CUL4A: variants seen among roughly 807,000 people sequenced by gnomAD.
CUL4A encodes the protein cullin 4A.
CUL4A carries 16 observed loss-of-function variants against 95.5 expected under a neutral mutation model. The ratio of observed to expected loss-of-function variants is 0.17; its 90% CI spans 0.11 to 0.25. The LOEUF is 0.25. CUL4A is among the 10% of genes least tolerant of loss of function. CUL4A has a pLI of 1.00. For missense variants in CUL4A, 610 were observed against 937.0 expected, an observed-to-expected ratio of 0.65 and a Z score of 4.56; for synonymous variants, 380 against 353.1, an observed-to-expected ratio of 1.08 and a Z score of -0.85.
chr13:113,222,207 T>C (rs2040924796), intron 3 of CUL4A, among the ~76,000 whole-genome samples: 1 of 151,974 alleles, frequency 6.6e-6, no homozygotes, highest in Non-Finnish European at 1.5e-5. Flanking sequence ...AACCAAGAGG[T>C]TGAGGTTTAT....
rs199835552 is a variant in CUL4A, at chr13:113,219,031, G to C, written c.351G>C (p.Gln117His). 16 of 1,608,478 alleles carry C rather than the reference G, an allele frequency of 9.9e-6. No homozygotes were observed. The highest frequency in any genetic ancestry group is 4.5e-5 in the South Asian group (4 of 89,746). ...RQACEDHVQA[Q>H]ILPFREDSLD... Reference sequence around the variant, plus strand: ...CCTGTGAAGACCACGTCCAGGCACAGATCCTTCCGTTTAGAGAATATCCTT... The same window carrying C: ...CCTGTGAAGACCACGTCCAGGCACACATCCTTCCGTTTAGAGAATATCCTT... Residue 117 changes from glutamine to histidine, a missense_variant, in exon 3 of 20, where the codon CAG becomes CAC. Physicochemically the swap from Gln to His is conservative, Grantham distance 24. Coordinates refer to ENST00000375440, the MANE Select transcript of CUL4A (RefSeq NM_001008895.4).
intron 2 of CUL4A, among the ~76,000 whole-genome samples, chr13:113,212,030 GTCAT>G (rs2040467507): frequency 1.3e-5 from 2 of 152,196 alleles, no homozygotes; most frequent in Admixed American, 1.3e-4. Context: ...GTGGTGGAGT[GTCAT>G]TGTAGTTTTA....
chr13:113,241,559 G>A (rs1403546620), intron 10 of CUL4A, among the ~76,000 whole-genome samples: 2 of 140,062 alleles, frequency 1.4e-5, no homozygotes, highest in African/African-American at 2.6e-5. Flanking sequence ...CTGTCATCCA[G>A]GCTGGAGTGT....
chr13:113,244,892 T>C, intron 12 of CUL4A, 57 bp from the exon 13 acceptor site: 4 of 1,163,214 alleles, frequency 3.4e-6, no homozygotes, highest in Non-Finnish European at 5.1e-6. Context: ...GTTTGAAGTT[T>C]AACATTTGCT....
At chr13:113,239,612 C>A in intron 10 of CUL4A, 61 bp downstream of exon 10, 1 of 1,268,200 alleles carries the variant, frequency 7.9e-7, no homozygotes, top group Non-Finnish European at 1.1e-6. Flanking sequence ...AGAGCCCCTC[C>A]TGAGAACGCC....
At chr13:113,222,870 A>T (rs1207157294) in intron 3 of CUL4A, among the ~76,000 whole-genome samples, 2 of 152,200 alleles carry the variant, frequency 1.3e-5, no homozygotes, top group African/African-American at 4.8e-5. Context: ...ACTGCACTCC[A>T]GCCTGAGCAG....
intron 15 of CUL4A, among the ~76,000 whole-genome samples, chr13:113,249,923 C>T (rs764840006): frequency 3.9e-5 from 6 of 152,154 alleles, no homozygotes; most frequent in Non-Finnish European, 8.8e-5. Context: ...CGTGCTTTGC[C>T]TAGTTTTTAA....
chr13:113,216,573 C>T (rs2040701160), intron 2 of CUL4A, among the ~76,000 whole-genome samples: 1 of 152,210 alleles, frequency 6.6e-6, no homozygotes, highest in South Asian at 2.1e-4. Context: ...GGATTACATT[C>T]CTTTTCTCTG....
chr13:113,246,163 A>C, intron 15 of CUL4A, 100 bp downstream of exon 15: 3 of 847,456 alleles, frequency 3.5e-6, no homozygotes, highest in Non-Finnish European at 5.6e-6. Flanking sequence ...GTTTTTAAAA[A>C]TAGCCCACTC....
At position 113,232,132 on chromosome 13, in the gene CUL4A, CTA is replaced by C. The variant is rs2041353133; in HGVS notation, c.513-1044_513-1043del. ...CCGCCCACCACCATTACTGTCACCA[CTA>C]CCCGCCCACCACCATTACTGCTGCC... On this transcript the variant is annotated intron_variant, in intron 5 of 19. Coordinates refer to ENST00000375440, the MANE Select transcript of CUL4A (RefSeq NM_001008895.4). Among the ~76,000 whole-genome samples, 3 of 146,278 alleles carry C rather than the reference CTA, an allele frequency of 2.1e-5. 1 individual carries two copies. The highest frequency in any genetic ancestry group is 8.2e-5 in the African/African-American group (3 of 36,446).
intron 15 of CUL4A, 146 bp downstream of exon 15, chr13:113,246,209 A>G: frequency 1.6e-6 from 1 of 634,224 alleles, no homozygotes; most frequent in South Asian, 2.0e-5. Flanking sequence ...GTCTTTGGAA[A>G]TGTGCTTGAG....
intron 6 of CUL4A, among the ~76,000 whole-genome samples, chr13:113,233,654 C>G (rs1370980299): frequency 6.6e-6 from 1 of 152,150 alleles, no homozygotes; most frequent in Non-Finnish European, 1.5e-5. Context: ...ATTAGCAACA[C>G]ACACAAAAGA....
chr13:113,233,909 T>G lies in CUL4A; in HGVS notation c.688T>G (p.Ser230Ala). ...GCTTGTTTCTTAGGTGTATAAAGAT[T>G]CATTTGAACTGAAATTTTTGGAAGA... The part of the protein sequence containing the change: ...MLSDLQVYKD[S>A]FELKFLEETN... Residue 230 changes from serine (S) to alanine (A), a missense_variant, in exon 7 of 20, where the codon TCA becomes GCA. Ser to Ala is a moderately conservative substitution (Grantham distance 99, BLOSUM62 1). Transcript: ENST00000375440. 2 of 1,589,554 alleles carry G rather than the reference T, an allele frequency of 1.3e-6. No individual in the cohort carries two copies. Among genetic ancestry groups the G allele is most frequent in the African/African-American group, 1.3e-5 (1 of 74,562 alleles).
chr13:113,250,391 G>A (rs1251467566), intron 15 of CUL4A, among the ~76,000 whole-genome samples: 1 of 152,206 alleles, frequency 6.6e-6, no homozygotes, highest in African/African-American at 2.4e-5. Context: ...GGTTAAGGCT[G>A]CAGTGAGCTG....
At chr13:113,224,301 C>T (rs1243491743) in intron 3 of CUL4A, among the ~76,000 whole-genome samples, 3 of 151,674 alleles carry the variant, frequency 2.0e-5, no homozygotes, top group Non-Finnish European at 4.4e-5. Context: ...TGCAGTGAGC[C>T]GAGATCGCAC....
chr13:113,244,071 T>C (rs2302754), intron 11 of CUL4A, among the ~76,000 whole-genome samples: 31,229 of 152,174 alleles, frequency 0.21, 3,870 homozygotes, highest in South Asian at 0.43. Flanking sequence ...CACCAGATCC[T>C]AGAAATAGGC....
rs1004289503 is a variant in CUL4A, at chr13:113,263,718, G to A, written c.*136G>A. The A allele has an allele frequency of 1.6e-5, 8 of 515,362 alleles. No individual in the cohort carries two copies. The highest frequency in any genetic ancestry group is 2.8e-5 in the Non-Finnish European group (8 of 290,320). 31.9% of individuals were successfully genotyped at this position (515,362 alleles called of 1,614,324 possible). On this transcript the variant is annotated 3_prime_UTR_variant, in exon 20 of 20. Coordinates refer to ENST00000375440, the MANE Select transcript of CUL4A (RefSeq NM_001008895.4). ...GGCGAAGGAAGGGAGGTGGCTCCTG[G>A]GTCATCTTTCACAAGGCTCAAGACT...
At chr13:113,219,307 T>G (rs898670531) in intron 3 of CUL4A, 28 of 362,486 alleles carry the variant, frequency 7.7e-5, no homozygotes, top group African/African-American at 5.7e-4. Flanking sequence ...CAAGTTTGAG[T>G]ATCCTTTATT....
chr13:113,222,395 T>TC (rs58180016), intron 3 of CUL4A, among the ~76,000 whole-genome samples: 36,693 of 151,446 alleles, frequency 0.24, 5,149 homozygotes, highest in East Asian at 0.55. Context: ...CTCTTATGGT[T>TC]AGAGGGAAAG....
Sources: allele counts gnomAD v4.1 joint callset (sites outside exome capture counted in the v4.1 genomes callset), GRCh38; gene constraint gnomAD v4.1.1; transcripts MANE v1.5; gene names NCBI Gene and HGNC (gene_info 2026-07-23, HGNC 2026-07-21).